Variants in GPC3 observed in about 807,000 individuals in gnomAD.
GPC3 encodes the protein glypican-3.
A neutral mutation model predicts 34.4 loss-of-function variants in GPC3; 3 were observed. That is an observed-to-expected ratio of 0.09 (90% confidence interval 0.04 to 0.23). The LOEUF (loss-of-function observed/expected upper bound fraction) is 0.23. Ranked by LOEUF, GPC3 falls within the 10% of genes least tolerant of loss-of-function variation. GPC3 has a pLI of 1.00. For missense variants in GPC3, 351 were observed against 445.6 expected, an observed-to-expected ratio of 0.79 and a Z score of 1.91; for synonymous variants, 177 against 174.0, an observed-to-expected ratio of 1.02 and a Z score of -0.13.
rs141242252 is a variant in GPC3, at chrX:133,635,521, A to T, written c.1413+26209T>A. Among the ~76,000 whole-genome samples, 3 of 112,289 alleles carry T rather than the reference A, an allele frequency of 2.7e-5. No individual in the cohort carries two copies. In the East Asian group the frequency reaches 8.4e-4, roughly 31 times the overall value. ...TCCTAACCTTCAGGTGTCAAAAAAC[A>T]ACTGAGCTTTCCAGAATCTCCAGGA... On this transcript the variant is annotated intron_variant, in intron 6 of 7. Coordinates refer to ENST00000370818, the MANE Select transcript of GPC3 (RefSeq NM_004484.4).
intron 2 of GPC3, among the ~76,000 whole-genome samples, chrX:133,911,585 G>A (rs1479873991): frequency 8.9e-6 from 1 of 111,936 alleles, no homozygotes; most frequent in African/African-American, 3.2e-5. Context: ...TTGGGGCACA[G>A]ATACCTTACT....
At chrX:133,952,950 C>A in intron 2 of GPC3, 100 bp downstream of exon 2, 1 of 788,789 alleles carries the variant, frequency 1.3e-6, no homozygotes, top group Non-Finnish European at 1.9e-6. Flanking sequence ...AGCATTAATG[C>A]TGGAATGGTA....
At chrX:133,707,782 C>G (rs1193160738) in intron 3 of GPC3, among the ~76,000 whole-genome samples, 1 of 110,784 alleles carries the variant, frequency 9.0e-6, no homozygotes, top group African/African-American at 3.3e-5. Flanking sequence ...TGCTGCAGTA[C>G]ATTACCTCTT....
intron 2 of GPC3, among the ~76,000 whole-genome samples, chrX:133,794,593 C>G (rs1215434595): frequency 1.8e-5 from 2 of 111,713 alleles, no homozygotes; most frequent in Admixed American, 1.9e-4. Flanking sequence ...CCTCTGGTCT[C>G]TACTCATTGT....
rs184110614 is a variant in GPC3 at position 133,901,686 on chromosome X, G to A, written c.337+51364C>T. On this transcript the variant is annotated intron_variant, in intron 2 of 7. Coordinates refer to ENST00000370818, the MANE Select transcript of GPC3 (RefSeq NM_004484.4). ...AATCTCTTGACCTCGCGATCTGCCC[G>A]CCTCGGCCTCCCAAGTTGCTGGGAT... Among the ~76,000 whole-genome samples, 608 of 111,388 alleles carry A rather than the reference G, an allele frequency of 5.5e-3. 2 individuals are homozygous for A. The highest frequency in any genetic ancestry group is 7.1e-3 in the Non-Finnish European group (378 of 53,069).
chrX:133,645,783 C>G (rs938143440), intron 6 of GPC3, among the ~76,000 whole-genome samples: 6 of 109,957 alleles, frequency 5.5e-5, no homozygotes, highest in Admixed American at 2.9e-4. Context: ...TCACTAAGAC[C>G]ATAGAAAATA....
At position 133,873,597 on chromosome X, in the gene GPC3, A is replaced by G. The variant is rs6529592; in HGVS notation, c.337+79453T>C. On this transcript the variant is annotated intron_variant, in intron 2 of 7. Coordinates refer to ENST00000370818, the MANE Select transcript of GPC3 (RefSeq NM_004484.4). ...TTATCTTCTTGGGGGTGGAAATACT[A>G]TCTATATAAGGGCATATTACAGAGC... Among the ~76,000 whole-genome samples, 942 of 111,538 alleles carry G rather than the reference A, an allele frequency of 8.4e-3. 18 individuals are homozygous for G. Among genetic ancestry groups the G allele is most frequent in the African/African-American group, 0.029 (905 of 30,705 alleles).
intron 1 of GPC3, among the ~76,000 whole-genome samples, chrX:133,981,854 G>A (rs1409326342): frequency 1.8e-5 from 2 of 112,279 alleles, no homozygotes; most frequent in Non-Finnish European, 3.8e-5. Context: ...GTTCAAGACT[G>A]CCTTTTACCC....
chrX:133,828,234 G>A (rs1199590810), intron 2 of GPC3, among the ~76,000 whole-genome samples: 1 of 110,736 alleles, frequency 9.0e-6, no homozygotes, highest in Non-Finnish European at 1.9e-5. Flanking sequence ...TAGGCTCACT[G>A]CAACCTCCAC....
intron 2 of GPC3, among the ~76,000 whole-genome samples, chrX:133,881,700 T>A (rs761961221): frequency 2.9e-4 from 32 of 112,145 alleles, no homozygotes; most frequent in Non-Finnish European, 5.6e-4. Context: ...AGTCCTTTTT[T>A]TCCCTCCCTC....
In GPC3 at chrX:133,972,307, C is replaced by T. The variant is rs752620210; in HGVS notation, c.175+12968G>A. On this transcript the variant is annotated intron_variant, in intron 1 of 7. Coordinates refer to ENST00000370818, the MANE Select transcript of GPC3 (RefSeq NM_004484.4). ...AGAAAGGACTATTTGAAACACTGAG[C>T]ACAGTTCTTCCACAGCTCTTTGAAA... Among the ~76,000 whole-genome samples the T allele has an allele frequency of 4.4e-5, 5 of 112,481 alleles. No homozygotes were observed. The South Asian group carries it at 1.8e-3, about 41-fold the overall frequency.
intron 2 of GPC3, among the ~76,000 whole-genome samples, chrX:133,888,316 T>G (rs2076071147): frequency 8.9e-6 from 1 of 111,940 alleles, no homozygotes; most frequent in Non-Finnish European, 1.9e-5. Flanking sequence ...CTTTATCCAG[T>G]CTATCATTGA....
chrX:133,855,774 C>T lies in GPC3; in HGVS notation c.337+97276G>A, dbSNP rs929259163. On this transcript the variant is annotated intron_variant, in intron 2 of 7. Transcript: ENST00000370818. Reference sequence around the variant, plus strand: ...TCTGACCTACATCTCCCCATTTTCTCCCCACTACTCCAATTCTGGTAACGA... The same window carrying T: ...TCTGACCTACATCTCCCCATTTTCTTCCCACTACTCCAATTCTGGTAACGA... 4.5e-5 allele frequency among the ~76,000 whole-genome samples: 5 copies of T among 110,510 alleles called. No individual in the cohort carries two copies. In the East Asian group the frequency reaches 1.4e-3, roughly 31 times the overall value.
chrX:133,755,700 T>C lies in GPC3; in HGVS notation c.338-1524A>G, dbSNP rs190759576. 4.2e-4 allele frequency among the ~76,000 whole-genome samples: 47 copies of C among 112,215 alleles called. No homozygotes were observed. In the East Asian group the frequency reaches 0.011, roughly 27 times the overall value. On this transcript the variant is annotated intron_variant, in intron 2 of 7. Transcript: ENST00000370818. ...AAAAAATCTGCCTTTCTGTAAGTTG[T>C]TGAATGTTCACTTGGTTTTTTTGTT...
At chrX:133,875,979 T>C (rs991665810) in intron 2 of GPC3, among the ~76,000 whole-genome samples, 2 of 111,920 alleles carry the variant, frequency 1.8e-5, no homozygotes, top group Non-Finnish European at 3.8e-5. Context: ...AAAAAAATTG[T>C]CATTTCCTGA....
intron 3 of GPC3, among the ~76,000 whole-genome samples, chrX:133,727,140 A>G (rs962444334): frequency 8.9e-6 from 1 of 112,246 alleles, no homozygotes; most frequent in Non-Finnish European, 1.9e-5. Context: ...AATATATATG[A>G]AGTGTCTAGC....
chrX:133,645,045 T>C (rs1419873603), intron 6 of GPC3, among the ~76,000 whole-genome samples: 1 of 111,806 alleles, frequency 8.9e-6, no homozygotes, highest in Non-Finnish European at 1.9e-5. Context: ...CCTCCTAAAA[T>C]GCTGGGATTA....
rs572123943 is a variant in GPC3, at chrX:133,842,746, A to G, written c.338-88570T>C. On this transcript the variant is annotated intron_variant, in intron 2 of 7. Coordinates refer to ENST00000370818, the MANE Select transcript of GPC3 (RefSeq NM_004484.4). ...TATTGTTGTTGTTATTATTATTATT[A>G]TCAGATACTCAGAAGGTTTATTTCT... Among the ~76,000 whole-genome samples, 56 of 110,889 alleles carry G rather than the reference A, an allele frequency of 5.1e-4. No individual in the cohort carries two copies. In the South Asian group the frequency reaches 0.021, roughly 41 times the overall value.
At chrX:133,900,563 CTT>C (rs1019018013) in intron 2 of GPC3, among the ~76,000 whole-genome samples, 1 of 106,407 alleles carries the variant, frequency 9.4e-6, no homozygotes, top group Non-Finnish European at 2.0e-5. Flanking sequence ...TCTTCTTTAA[CTT>C]TTTTTTTTTA....
Sources: gnomAD v4.1 joint callset for allele counts (sites outside exome capture counted in the v4.1 genomes callset) on GRCh38, gnomAD v4.1.1 for gene constraint, MANE v1.5 for transcripts, NCBI Gene and HGNC (gene_info 2026-07-23, HGNC 2026-07-21) for gene names.